CREB5: variants seen among roughly 807,000 people sequenced by gnomAD.
The protein encoded by CREB5 is cyclic AMP-responsive element-binding protein 5.
CREB5 carries 19 observed loss-of-function variants against 57.1 expected under a neutral mutation model. The ratio of observed to expected loss-of-function variants is 0.33; its 90% CI spans 0.23 to 0.49. The LOEUF is 0.49. Ranked by LOEUF, CREB5 falls within the 20% of genes least tolerant of loss-of-function variation. The pLI, the probability that CREB5 is intolerant of heterozygous loss-of-function variation, is 0.99. For missense variants in CREB5, 579 were observed against 671.6 expected (o/e 0.86, Z 1.52); for synonymous variants, 238 against 238.3 (o/e 1.00, Z 0.01).
At chr7:28,734,685 A>T (rs936844015) in intron 7 of CREB5, among the ~76,000 whole-genome samples, 1 of 152,190 alleles carries the variant, frequency 6.6e-6, no homozygotes, top group Non-Finnish European at 1.5e-5. Context: ...GGTCAAAGGG[A>T]ATAAACATTA....
intron 1 of CREB5, among the ~76,000 whole-genome samples, chr7:28,462,074 A>T (rs1210873042): frequency 1.3e-5 from 2 of 151,886 alleles, no homozygotes; most frequent in Non-Finnish European, 2.9e-5. Flanking sequence ...ACTCCCCATT[A>T]TTTTCCCCTC....
At chr7:28,642,965 C>CACACACACACACAT (rs1798721663) in intron 5 of CREB5, among the ~76,000 whole-genome samples, 1 of 75,588 alleles carries the variant, frequency 1.3e-5, no homozygotes, top group East Asian at 3.4e-4. Flanking sequence ...CACACACACA[C>CACACACACACACAT]ACACACACAC....
At chr7:28,325,283 G>A (rs1435639562) in intron 1 of CREB5, among the ~76,000 whole-genome samples, 4 of 152,046 alleles carry the variant, frequency 2.6e-5, no homozygotes, top group Admixed American at 1.3e-4. Context: ...GTGAAACCCC[G>A]TCTCTACTAA....
chr7:28,507,989 T>C (rs10258092), intron 4 of CREB5, among the ~76,000 whole-genome samples: 19,837 of 152,238 alleles, frequency 0.13, 1,592 homozygotes, highest in South Asian at 0.28. Context: ...TGCTAAGTAT[T>C]TAATAGCAAA....
intron 1 of CREB5, among the ~76,000 whole-genome samples, chr7:28,426,731 G>C (rs1367221204): frequency 6.6e-6 from 1 of 152,016 alleles, no homozygotes; most frequent in East Asian, 1.9e-4. Flanking sequence ...TTTTCTTATG[G>C]TTTTAAGAAA....
chr7:28,733,325 G>A (rs550580949), intron 7 of CREB5, among the ~76,000 whole-genome samples: 1 of 152,230 alleles, frequency 6.6e-6, no homozygotes, highest in Non-Finnish European at 1.5e-5. Context: ...GGAACATGTT[G>A]CACCCATGTT....
chr7:28,457,036 G>A (rs965389002), intron 1 of CREB5, among the ~76,000 whole-genome samples: 7 of 152,186 alleles, frequency 4.6e-5, no homozygotes, highest in African/African-American at 1.7e-4. Flanking sequence ...ATAGCAGAGG[G>A]CATCACATGG....
rs117582751 is a variant in CREB5 at position 28,476,398 on chromosome 7, A to G, written c.4-11777A>G. Among the ~76,000 whole-genome samples, 155 of 152,346 alleles carry G rather than the reference A, an allele frequency of 1.0e-3. 4 individuals are homozygous for G. In the East Asian group the frequency reaches 0.027, roughly 27 times the overall value. On this transcript the variant is annotated intron_variant, in intron 1 of 10. Coordinates refer to ENST00000357727, the MANE Select transcript of CREB5 (RefSeq NM_182898.4). ...TCCATGTCTGCGAGTTGATTGTACT[A>G]TAAAAACAGCAACCAACATTTCACA...
intron 5 of CREB5, among the ~76,000 whole-genome samples, chr7:28,587,019 G>C (rs1796328868): frequency 6.6e-6 from 1 of 152,158 alleles, no homozygotes; most frequent in Non-Finnish European, 1.5e-5. Context: ...GAAGTCTCTT[G>C]CTATGTGACC....
intron 5 of CREB5, among the ~76,000 whole-genome samples, chr7:28,643,105 T>C (rs1401463229): frequency 1.3e-5 from 2 of 151,854 alleles, no homozygotes. Context: ...AAATTCTCAA[T>C]TGTCGGGTCC....
chr7:28,773,482 G>A (rs950160683), intron 7 of CREB5, among the ~76,000 whole-genome samples: 1 of 151,974 alleles, frequency 6.6e-6, no homozygotes, highest in African/African-American at 2.4e-5. Flanking sequence ...GTGGGCAAAC[G>A]TTTTCTGAAA....
At chr7:28,426,930 C>T (rs1007136235) in intron 1 of CREB5, among the ~76,000 whole-genome samples, 1 of 152,188 alleles carries the variant, frequency 6.6e-6, no homozygotes, top group Non-Finnish European at 1.5e-5. Flanking sequence ...GACACTCACT[C>T]ATTGCTGCCA....
intron 1 of CREB5, among the ~76,000 whole-genome samples, chr7:28,356,215 A>G (rs892945884): frequency 2.6e-5 from 4 of 152,196 alleles, no homozygotes; most frequent in Non-Finnish European, 5.9e-5. Context: ...GTCATTTTCT[A>G]CTCTCCGACA....
chr7:28,325,909 C>G (rs547371613), intron 1 of CREB5, among the ~76,000 whole-genome samples: 1 of 152,332 alleles, frequency 6.6e-6, no homozygotes, highest in South Asian at 2.1e-4. Context: ...TCCCTTCAAG[C>G]TGGCTTCTGT....
In CREB5 at chr7:28,811,305, T is replaced by C. The variant is rs1809107619; in HGVS notation, c.1254+1891T>C. On this transcript the variant is annotated intron_variant, in intron 9 of 10. Coordinates refer to ENST00000357727, the MANE Select transcript of CREB5 (RefSeq NM_182898.4). Reference sequence around the variant, plus strand: ...GCAGGGAGTCAAGCCACCAGAGAAATGGCTGGACTCAACCACCTTTAAAGC... The same window carrying C: ...GCAGGGAGTCAAGCCACCAGAGAAACGGCTGGACTCAACCACCTTTAAAGC... 2.6e-5 allele frequency among the ~76,000 whole-genome samples: 4 copies of C among 152,164 alleles called. 1 individual carries two copies. The highest frequency in any genetic ancestry group is 2.6e-4 in the Admixed American group (4 of 15,278).
At chr7:28,803,749 C>CCAT (rs1273660556) in intron 7 of CREB5, among the ~76,000 whole-genome samples, 3 of 117,274 alleles carry the variant, frequency 2.6e-5, no homozygotes, top group Non-Finnish European at 4.9e-5. Flanking sequence ...GAGCAAGACT[C>CCAT]CATCTCAAAA....
At chr7:28,698,181 T>C (rs998676531) in intron 5 of CREB5, among the ~76,000 whole-genome samples, 3 of 152,166 alleles carry the variant, frequency 2.0e-5, no homozygotes, top group South Asian at 2.1e-4. Context: ...TGAAAAATGG[T>C]TTGAGACATT....
Position 28,823,097 on chromosome 7 carries a change from T to G in CREB5, c.*3818T>G, listed in dbSNP as rs997693879. 3.3e-5 allele frequency: 5 copies of G among 152,740 alleles called. No individual in the cohort carries two copies. Among genetic ancestry groups the G allele is most frequent in the Admixed American group, 1.3e-4 (2 of 15,306 alleles). 9.5% of individuals were successfully genotyped at this position (152,740 alleles called of 1,614,324 possible). A position where few individuals can be genotyped will look rare whatever the true frequency, so the allele number is the denominator to read the frequency against. ...TGTTAAGTAAACTTTAGTGTGTAAG[T>G]TGAGTTTGTCATTAAAATCATAAAC... On this transcript the variant is annotated 3_prime_UTR_variant, in exon 11 of 11. Coordinates refer to ENST00000357727, the MANE Select transcript of CREB5 (RefSeq NM_182898.4).
At chr7:28,420,379 T>C (rs1788192992) in intron 1 of CREB5, among the ~76,000 whole-genome samples, 1 of 152,220 alleles carries the variant, frequency 6.6e-6, no homozygotes, top group Non-Finnish European at 1.5e-5. Context: ...TTTTAGGAGA[T>C]CTATTTAGAA....
Sources: gnomAD v4.1 joint callset for allele counts (sites outside exome capture counted in the v4.1 genomes callset) on GRCh38, gnomAD v4.1.1 for gene constraint, MANE v1.5 for transcripts, NCBI Gene and HGNC (gene_info 2026-07-23, HGNC 2026-07-21) for gene names.